ARK2C: variants seen among roughly 807,000 people sequenced by gnomAD.
ARK2C encodes the protein arkadia (RNF111) C-terminal like ring finger ubiquitin ligase 2C, also known as E3 ubiquitin-protein ligase ARK2C.
chr18:46,403,878 A>C, the ARK2C span, among the ~76,000 whole-genome samples: 3 of 152,126 alleles, frequency 2.0e-5, no homozygotes, highest in South Asian at 4.1e-4. Context: ...CTCTGTCCAA[A>C]AAAACAAAAC....
chr18:46,385,001 G>A, the ARK2C span, among the ~76,000 whole-genome samples: 1 of 152,258 alleles, frequency 6.6e-6, no homozygotes, highest in Non-Finnish European at 1.5e-5. Flanking sequence ...CCCGTAGACA[G>A]TATCTCTGTT....
the ARK2C span, among the ~76,000 whole-genome samples, chr18:46,395,187 C>T: frequency 6.6e-6 from 1 of 152,208 alleles, no homozygotes; most frequent in Non-Finnish European, 1.5e-5. Context: ...ACCACGTTTG[C>T]TATTAGTACT....
At chr18:46,416,062 T>C in the ARK2C span, among the ~76,000 whole-genome samples, 1 of 152,150 alleles carries the variant, frequency 6.6e-6, no homozygotes, top group Non-Finnish European at 1.5e-5. Context: ...AATTAACATG[T>C]CATGGGGGTG....
At chr18:46,437,944 T>G in the ARK2C span, among the ~76,000 whole-genome samples, 2 of 152,210 alleles carry the variant, frequency 1.3e-5, no homozygotes, top group Non-Finnish European at 2.9e-5. Context: ...CCGGGCAACC[T>G]TGCCTCAGCA....
At chr18:46,381,830 C>CA in the ARK2C span, among the ~76,000 whole-genome samples, 54,197 of 146,756 alleles carry the variant, frequency 0.37, 10,885 homozygotes, top group Non-Finnish European at 0.49. Flanking sequence ...GACCCTGTCT[C>CA]AAAAAAAAAA....
the ARK2C span, among the ~76,000 whole-genome samples, chr18:46,388,370 T>C: frequency 6.6e-6 from 1 of 152,256 alleles, no homozygotes; most frequent in African/African-American, 2.4e-5. Context: ...AACTTTATAA[T>C]GTTTCCATGC....
chr18:46,439,774 C>T, the ARK2C span, among the ~76,000 whole-genome samples: 2 of 152,292 alleles, frequency 1.3e-5, 1 homozygote, highest in Middle Eastern at 6.8e-3. Flanking sequence ...AATGAATTCA[C>T]ACATATATGT....
the ARK2C span, among the ~76,000 whole-genome samples, chr18:46,341,626 C>T: frequency 6.6e-6 from 1 of 152,110 alleles, no homozygotes; most frequent in Non-Finnish European, 1.5e-5. Context: ...CATACAGATT[C>T]CTGGTTGGGG....
At chr18:46,339,429 C>T in the ARK2C span, among the ~76,000 whole-genome samples, 1 of 152,184 alleles carries the variant, frequency 6.6e-6, no homozygotes, top group Admixed American at 6.5e-5. Flanking sequence ...CATGTTTTAG[C>T]AATGTATGCA....
chr18:46,350,587 A>G, the ARK2C span, among the ~76,000 whole-genome samples: 3 of 152,196 alleles, frequency 2.0e-5, no homozygotes, highest in Middle Eastern at 3.2e-3. Context: ...AGGTGGAGGA[A>G]GAAGCAGCAG....
the ARK2C span, among the ~76,000 whole-genome samples, chr18:46,400,310 G>T: frequency 3.3e-5 from 5 of 152,196 alleles, no homozygotes; most frequent in African/African-American, 1.2e-4. Flanking sequence ...CTGCAGTGAT[G>T]ACAGGAACCT....
At chr18:46,410,166 C>T in the ARK2C span, among the ~76,000 whole-genome samples, 1 of 152,138 alleles carries the variant, frequency 6.6e-6, no homozygotes, top group Non-Finnish European at 1.5e-5. Context: ...ACCTCAGGGC[C>T]CTGCTCTGGT....
the ARK2C span, among the ~76,000 whole-genome samples, chr18:46,383,726 T>G: frequency 6.6e-6 from 1 of 152,108 alleles, no homozygotes. Context: ...GGCTAATTTT[T>G]TGTATTTTTA....
chr18:46,381,557 G>A, the ARK2C span, among the ~76,000 whole-genome samples: 4 of 152,178 alleles, frequency 2.6e-5, no homozygotes, highest in Non-Finnish European at 5.9e-5. Flanking sequence ...GGTGGCCTGG[G>A]CAGTGGCTCA....
At chr18:46,394,782 G>A in the ARK2C span, among the ~76,000 whole-genome samples, 1 of 152,220 alleles carries the variant, frequency 6.6e-6, no homozygotes. Flanking sequence ...TAATGGTCCT[G>A]AGTGTGTTTC....
chr18:46,352,133 A>C, the ARK2C span, among the ~76,000 whole-genome samples: 1 of 152,124 alleles, frequency 6.6e-6, no homozygotes, highest in African/African-American at 2.4e-5. Flanking sequence ...CAGCCTTTGC[A>C]GGGCTCTGCT....
the ARK2C span, among the ~76,000 whole-genome samples, chr18:46,350,790 G>T: frequency 6.6e-6 from 1 of 152,176 alleles, no homozygotes; most frequent in Non-Finnish European, 1.5e-5. Flanking sequence ...TAACAAGCTG[G>T]CGAGCCAGGC....
chr18:46,366,168 T>A, the ARK2C span, among the ~76,000 whole-genome samples: 3 of 151,868 alleles, frequency 2.0e-5, no homozygotes, highest in Non-Finnish European at 4.4e-5. Context: ...GGCACATGTC[T>A]GTAATCCCAG....
At chr18:46,356,439 C>T in the ARK2C span, among the ~76,000 whole-genome samples, 1 of 152,096 alleles carries the variant, frequency 6.6e-6, no homozygotes, top group African/African-American at 2.4e-5. Context: ...ATGCCTGGCA[C>T]TCAGAAAGAG....
Sources: allele counts gnomAD v4.1 joint callset (sites outside exome capture counted in the v4.1 genomes callset), GRCh38; gene constraint gnomAD v4.1.1; transcripts MANE v1.5; gene names NCBI Gene and HGNC (gene_info 2026-07-23, HGNC 2026-07-21).